PAK2: variants seen among roughly 807,000 people sequenced by gnomAD.
PAK2 encodes p21 (RAC1) activated kinase 2.
In PAK2, 21 loss-of-function variants were observed where a neutral mutation model predicts 65.9. The observed-to-expected ratio is 0.32, with a 90% CI of 0.23 to 0.46. PAK2 has a LOEUF of 0.46. Ranked by LOEUF, PAK2 falls within the 20% of genes least tolerant of loss-of-function variation. The pLI is 1.00. For missense variants in PAK2, 324 were observed against 642.6 expected, an observed-to-expected ratio of 0.50 and a Z score of 5.36; for synonymous variants, 204 against 219.7, an observed-to-expected ratio of 0.93 and a Z score of 0.63.
chr3:196,817,551 C>T (rs1472999982), intron 11 of PAK2, among the ~76,000 whole-genome samples: 1 of 152,130 alleles, frequency 6.6e-6, no homozygotes, highest in Non-Finnish European at 1.5e-5. Context: ...CAGGGTTTCA[C>T]CATGTTGGCC....
At chr3:196,758,659 GTTTAT>G (rs945415736) in intron 1 of PAK2, among the ~76,000 whole-genome samples, 1 of 151,886 alleles carries the variant, frequency 6.6e-6, no homozygotes, top group East Asian at 1.9e-4. Context: ...TTTTATTTTA[GTTTAT>G]TTTATTTTGA....
chr3:196,750,279 C>T (rs967718128), intron 1 of PAK2, among the ~76,000 whole-genome samples: 8 of 152,022 alleles, frequency 5.3e-5, no homozygotes, highest in Admixed American at 2.0e-4. Flanking sequence ...CGTGAGCCAC[C>T]GTGCCTGGCC....
chr3:196,797,480 G>A (rs56094615), intron 2 of PAK2, among the ~76,000 whole-genome samples: 5 of 150,740 alleles, frequency 3.3e-5, no homozygotes, highest in African/African-American at 9.8e-5. Flanking sequence ...TAGGCTGGGC[G>A]CAGTGGCTCA....
At chr3:196,754,414 G>A (rs1190939854) in intron 1 of PAK2, among the ~76,000 whole-genome samples, 1 of 152,136 alleles carries the variant, frequency 6.6e-6, no homozygotes, top group African/African-American at 2.4e-5. Context: ...GAGTTCTGAT[G>A]AAACCGCTTC....
intron 11 of PAK2, 69 bp downstream of exon 11, chr3:196,814,637 T>C: frequency 1.4e-6 from 1 of 739,916 alleles, no homozygotes; most frequent in East Asian, 2.6e-5. Flanking sequence ...AAAGGAAATT[T>C]TTCTGCACAG....
At chr3:196,772,264 T>A (rs1323769045) in intron 1 of PAK2, among the ~76,000 whole-genome samples, 1 of 152,214 alleles carries the variant, frequency 6.6e-6, no homozygotes, top group Non-Finnish European at 1.5e-5. Flanking sequence ...TTAGGCAGAC[T>A]GGGTTTTACT....
chr3:196,771,273 A>C (rs185310005), intron 1 of PAK2, among the ~76,000 whole-genome samples: 6 of 152,142 alleles, frequency 3.9e-5, no homozygotes, highest in African/African-American at 1.4e-4. Flanking sequence ...CTGACCATTC[A>C]ATTACTGCTT....
intron 2 of PAK2, among the ~76,000 whole-genome samples, chr3:196,790,125 A>AGG (rs1715022632): frequency 6.6e-6 from 1 of 152,180 alleles, no homozygotes; most frequent in Admixed American, 6.5e-5. Context: ...AGAACAAAGG[A>AGG]GGAATTACTT....
chr3:196,758,938 A>C (rs1178172083), intron 1 of PAK2, among the ~76,000 whole-genome samples: 1 of 152,200 alleles, frequency 6.6e-6, no homozygotes, highest in East Asian at 1.9e-4. Context: ...CATTACAGGC[A>C]TGAGCCACCA....
chr3:196,812,461 T>C (rs946289581), intron 9 of PAK2, among the ~76,000 whole-genome samples, 194 bp downstream of exon 9: 1 of 152,166 alleles, frequency 6.6e-6, no homozygotes, highest in Admixed American at 6.6e-5. Flanking sequence ...AATAAGCAAA[T>C]ACTTAAAAAT....
chr3:196,768,318 A>T (rs1044491211), intron 1 of PAK2, among the ~76,000 whole-genome samples: 1 of 151,894 alleles, frequency 6.6e-6, no homozygotes, highest in Non-Finnish European at 1.5e-5. Flanking sequence ...TGCCCAAGAC[A>T]CTATTTTTGG....
Position 196,776,336 on chromosome 3 carries a change from G to A in PAK2, c.-21-6290G>A, listed in dbSNP as rs1282081383. ...TGGGAAGTACTCATAAGGTACTTCT[G>A]CGTACCAAAGTATGAACCGTTGTCT... On this transcript the variant is annotated intron_variant, in intron 1 of 14. Transcript: ENST00000327134. Among the ~76,000 whole-genome samples the A allele has an allele frequency of 2.6e-5, 4 of 152,288 alleles. 1 individual carries two copies. Among genetic ancestry groups the A allele is most frequent in the South Asian group, 4.1e-4 (2 of 4,824 alleles).
rs1174937584 is a variant in PAK2, at chr3:196,759,489, GTTTTTTTTGTTTTTTTTTTTTT to G, written c.-22+19341_-22+19362del. Among the ~76,000 whole-genome samples, 189 of 98,844 alleles carry G rather than the reference GTTTTTTTTGTTTTTTTTTTTTT, an allele frequency of 1.9e-3. 2 individuals are homozygous for G. The highest frequency in any genetic ancestry group is 2.8e-3 in the Non-Finnish European group (148 of 52,680). 64.8% of individuals were successfully genotyped at this position (98,844 alleles called of 152,430 possible). On this transcript the variant is annotated intron_variant, in intron 1 of 14. Coordinates refer to ENST00000327134, the MANE Select transcript of PAK2 (RefSeq NM_002577.4). Reference sequence around the variant, plus strand: ...ACCCTTTAAGGTATACAGTTAAGTGGTTTTTTTTGTTTTTTTTTTTTTTTTTTTTTTTTTTTTTTTTTTTTTT... The same window carrying G: ...ACCCTTTAAGGTATACAGTTAAGTGGTTTTTTTTTTTTTTTTTTTTTTTTT...
Position 196,820,440 on chromosome 3 carries a change from A to T in PAK2, c.1223A>T (p.Tyr408Phe). Residue 408 changes from tyrosine (Y) to phenylalanine (F), a missense_variant, in exon 13 of 15, where the codon TAC becomes TTC. Physicochemically the swap from Tyr to Phe is conservative, Grantham distance 22 (BLOSUM62 3). Transcript: ENST00000327134. This position sits in a 1 kb window ranked among gnomAD's most constrained non-coding sequence, Gnocchi z 4.6. ...CGCAGTACCATGGTCGGAACGCCAT[A>T]CTGGATGGCACCAGAGGTGGTTACA... ...SKRSTMVGTPYWMAPEVVTRK... is the reference protein window; with the variant it reads ...SKRSTMVGTPFWMAPEVVTRK... 1 of 1,612,852 alleles carries T rather than the reference A, an allele frequency of 6.2e-7. No homozygotes were observed. The highest frequency in any genetic ancestry group is 8.5e-7 in the Non-Finnish European group (1 of 1,179,010).
In PAK2 at chr3:196,807,955, G is replaced by A. The variant is rs527244031; in HGVS notation, c.709+41G>A. The A allele has an allele frequency of 6.4e-6, 10 of 1,567,250 alleles. No homozygotes were observed. In the Admixed American group the frequency reaches 9.0e-5, roughly 14 times the overall value. On this transcript the variant is annotated intron_variant, in intron 7 of 14. Coordinates refer to ENST00000327134, the MANE Select transcript of PAK2 (RefSeq NM_002577.4). ...TTTACATCATTGTTAAATTGTTCAC[G>A]GCTCTTAAAACATTTGGCCCAGATG...
chr3:196,809,879 G>A (rs572092609), intron 7 of PAK2, among the ~76,000 whole-genome samples: 13 of 152,084 alleles, frequency 8.5e-5, no homozygotes, highest in African/African-American at 2.4e-4. Context: ...AAAGTTTAAT[G>A]TGGTTTTTCT....
At chr3:196,822,564 C>T (rs532622706) in intron 13 of PAK2, among the ~76,000 whole-genome samples, 2 of 152,180 alleles carry the variant, frequency 1.3e-5, no homozygotes, top group East Asian at 3.9e-4. Context: ...TTAGTGTGTG[C>T]CTGTAGTCAC....
intron 8 of PAK2, among the ~76,000 whole-genome samples, chr3:196,811,147 A>C (rs376458974): frequency 1.3e-5 from 2 of 150,524 alleles, no homozygotes; most frequent in East Asian, 4.0e-4. Flanking sequence ...CATTCTGTGA[A>C]TTTAGAGTGA....
chr3:196,759,713 G>A (rs542901248), intron 1 of PAK2, among the ~76,000 whole-genome samples: 1 of 151,898 alleles, frequency 6.6e-6, no homozygotes, highest in Admixed American at 6.6e-5. Context: ...TTTTAGTAGA[G>A]ATGGGGTTTC....
Sources: allele counts gnomAD v4.1 joint callset (sites outside exome capture counted in the v4.1 genomes callset), GRCh38; gene constraint gnomAD v4.1.1; non-coding constraint Gnocchi (gnomAD v3.1); transcripts MANE v1.5; gene names NCBI Gene and HGNC (gene_info 2026-07-23, HGNC 2026-07-21).